The following NLRP13 variants were observed in gnomAD, a reference collection of about 807,000 sequenced individuals.
NLRP13 encodes the protein NACHT, LRR and PYD domains-containing protein 13.
In NLRP13, 82 loss-of-function variants were observed where a neutral mutation model predicts 94.4. The observed-to-expected ratio is 0.87, with a 90% CI of 0.73 to 1.04. The LOEUF (loss-of-function observed/expected upper bound fraction) is 1.04, where lower values mean the gene tolerates loss of function less well. NLRP13 is among the 50% of genes least tolerant of loss of function. The pLI is 0.00. For missense variants in NLRP13, 1,426 were observed against 1,230.8 expected (o/e 1.16, Z -2.37); for synonymous variants, 553 against 464.7 (o/e 1.19, Z -2.45).
intron 1 of NLRP13, among the ~76,000 whole-genome samples, chr19:55,928,916 TACAA>T (rs1266877451): frequency 6.6e-6 from 1 of 151,870 alleles, no homozygotes; most frequent in African/African-American, 2.4e-5. Context: ...ATCCAGAATC[TACAA>T]ACAACTTAAA....
intron 9 of NLRP13, among the ~76,000 whole-genome samples, chr19:55,901,469 A>G (rs1986172192): frequency 6.6e-6 from 1 of 152,198 alleles, no homozygotes; most frequent in Admixed American, 6.5e-5. Flanking sequence ...CTGGAGAGCT[A>G]GTTTTCTTCC....
In NLRP13 at chr19:55,924,629, G is replaced by A. The variant is rs748234269; in HGVS notation, c.418C>T (p.Pro140Ser). ...GNMQTQGCQD[P>S]NQEELDELEE... ...AGCTCGTCTAGTTCTTCTTGGTTTG[G>A]ATCTTGGCATCCCTGGGTCTGCATA... The change falls in exon 3 of 11, where the codon CCA becomes TCA. Residue 140 changes from proline (P) to serine (S), a missense_variant. By Grantham distance (74) the Pro-to-Ser change is moderately conservative. Coordinates refer to ENST00000342929, the MANE Select transcript of NLRP13 (RefSeq NM_176810.2). 9 of 1,613,454 alleles carry A rather than the reference G, an allele frequency of 5.6e-6. No individual in the cohort carries two copies. In the Admixed American group the frequency reaches 1.5e-4, roughly 27 times the overall value.
downstream of NLRP13, among the ~76,000 whole-genome samples, chr19:55,893,693 A>C (rs1276418392): frequency 2.0e-5 from 3 of 152,156 alleles, no homozygotes; most frequent in Non-Finnish European, 2.9e-5. Context: ...GGCCATTTTC[A>C]CTGTGTATGA....
At chr19:55,921,029 C>T (rs193115675) in intron 4 of NLRP13, among the ~76,000 whole-genome samples, 31 of 151,976 alleles carry the variant, frequency 2.0e-4, no homozygotes, top group Non-Finnish European at 1.0e-4. Flanking sequence ...TAACAAATAC[C>T]GCAAGTTCTT....
chr19:55,910,862 A>G lies in NLRP13; in HGVS notation c.2112-129T>C, dbSNP rs1422490580. The G allele has an allele frequency of 1.1e-4, 87 of 813,786 alleles. No homozygotes were observed. The East Asian group carries it at 1.5e-3, about 14-fold the overall frequency. The allele number at this position is 813,786 out of a possible 1,614,324, so 50.4% of individuals were successfully genotyped here. A position where few individuals can be genotyped will look rare whatever the true frequency, so the allele number is the denominator to read the frequency against. On this transcript the variant is annotated intron_variant, in intron 5 of 10. Transcript: ENST00000342929. ...TAATTTTCCTAATGTGGCTGGGTGCAGTGGCTCACGCCTGTAATCCCACCA... is the reference window on the plus strand; with the variant it reads ...TAATTTTCCTAATGTGGCTGGGTGCGGTGGCTCACGCCTGTAATCCCACCA...
At chr19:55,908,944 C>T (rs1021675951) in intron 6 of NLRP13, among the ~76,000 whole-genome samples, 2 of 152,156 alleles carry the variant, frequency 1.3e-5, no homozygotes, top group African/African-American at 4.8e-5. Flanking sequence ...GGCCACAGCC[C>T]CCTCTGCCTG....
chr19:55,910,501 A>C, intron 6 of NLRP13, 62 bp downstream of exon 6: 2 of 1,434,750 alleles, frequency 1.4e-6, no homozygotes, highest in Non-Finnish European at 1.9e-6. Flanking sequence ...CACTCATCAA[A>C]AGAGAGAAGT....
chr19:55,932,265 C>A lies in NLRP13; in HGVS notation c.47G>T (p.Gly16Val). 1 of 1,610,960 alleles carries A rather than the reference C, an allele frequency of 6.2e-7. No homozygotes were observed. Among genetic ancestry groups the A allele is most frequent in the South Asian group, 1.1e-5 (1 of 90,494 alleles). Residue 16 changes from glycine (G) to valine (V), a missense_variant, in exon 1 of 11, where the codon GGG becomes GTG. Gly to Val is a moderately radical substitution (Grantham distance 109, BLOSUM62 -3). Transcript: ENST00000342929. The part of the protein sequence containing the change: ...ITCPNGGTNQ[G>V]LLPYLMALDQ... ...CAGGGCCATCAGGTAAGGCAGAAGC[C>A]CTTGGTTGGTACCACCGTTGGGGCA...
chr19:55,902,153 G>A lies in NLRP13; in HGVS notation c.2671C>T (p.Leu891Phe). ...TGTGTCAGGCTCCTGTTCTGCAGGAGAGCATCTGACAAGTGCTTGCAAGCG... is the reference window on the plus strand; with the variant it reads ...TGTGTCAGGCTCCTGTTCTGCAGGAAAGCATCTGACAAGTGCTTGCAAGCG... ...APACKHLSDALLQNRSLTHLN... is the reference protein window; with the variant it reads ...APACKHLSDAFLQNRSLTHLN... Residue 891 changes from leucine (L) to phenylalanine (F), a missense_variant, in exon 9 of 11, where the codon CTC (leucine) becomes TTC (phenylalanine). Transcript: ENST00000342929. 6.2e-7 allele frequency: 1 copy of A among 1,614,074 alleles called. No homozygotes were observed. The highest frequency in any genetic ancestry group is 8.5e-7 in the Non-Finnish European group (1 of 1,179,970).
At chr19:55,911,663 A>G in intron 5 of NLRP13, 43 bp downstream of exon 5, 2 of 1,519,344 alleles carry the variant, frequency 1.3e-6, no homozygotes, top group Non-Finnish European at 1.8e-6. Context: ...AGAGCCTGAG[A>G]AAACAGGAGA....
intron 4 of NLRP13, 28 bp downstream of exon 4, chr19:55,923,886 C>T: frequency 6.4e-7 from 1 of 1,564,698 alleles, no homozygotes; most frequent in Non-Finnish European, 8.8e-7. Flanking sequence ...GCAACCTGTC[C>T]ATTATCAACA....
At chr19:55,926,290 G>A (rs1197330290) in intron 1 of NLRP13, among the ~76,000 whole-genome samples, 2 of 152,210 alleles carry the variant, frequency 1.3e-5, no homozygotes, top group African/African-American at 4.8e-5. Flanking sequence ...TATTCCAGAT[G>A]AACAGCCTAG....
chr19:55,920,834 G>A (rs1986802709), intron 4 of NLRP13, among the ~76,000 whole-genome samples: 1 of 152,124 alleles, frequency 6.6e-6, no homozygotes, highest in South Asian at 2.1e-4. Flanking sequence ...CAGTAGCAAA[G>A]ATACGCAATC....
At chr19:55,909,058 CT>C (rs1035894070) in intron 6 of NLRP13, among the ~76,000 whole-genome samples, 2 of 152,164 alleles carry the variant, frequency 1.3e-5, no homozygotes, top group Non-Finnish European at 2.9e-5. Context: ...CACATCTAGG[CT>C]TTAGACCTTG....
chr19:55,929,139 G>A (rs150143340), intron 1 of NLRP13, among the ~76,000 whole-genome samples: 1 of 152,188 alleles, frequency 6.6e-6, no homozygotes, highest in African/African-American at 2.4e-5. Flanking sequence ...ATGCTGGAGA[G>A]GATGTGGAGA....
chr19:55,925,123 T>G (rs1986937412), intron 1 of NLRP13, 88 bp from the exon 2 acceptor site: 2 of 1,173,218 alleles, frequency 1.7e-6, no homozygotes. Context: ...AACCAACTCC[T>G]TCTATGACAA....
At chr19:55,931,535 C>G (rs558941358) in intron 1 of NLRP13, among the ~76,000 whole-genome samples, 1 of 150,966 alleles carries the variant, frequency 6.6e-6, no homozygotes, top group African/African-American at 2.4e-5. Context: ...AGTGAAACCC[C>G]GTCTCTACTA....
rs1379004141 is a variant in NLRP13, at chr19:55,902,218, AGCCAC to A, written c.2619-18_2619-14del. 6.2e-7 allele frequency: 1 copy of A among 1,612,146 alleles called. No individual in the cohort carries two copies. The highest frequency in any genetic ancestry group is 8.5e-7 in the Non-Finnish European group (1 of 1,179,428). On this transcript the variant is annotated splice_polypyrimidine_tract_variant and intron_variant, in intron 8 of 10. Coordinates refer to ENST00000342929, the MANE Select transcript of NLRP13 (RefSeq NM_176810.2). ...GCAAAACCAGAGCCTGCAGGGTGAA[AGCCAC>A]AGAGATGGACACTCAGGGAAGCAGC...
chr19:55,892,046 C>G (rs1038049062), downstream of NLRP13: 1 of 1,201,094 alleles, frequency 8.3e-7, no homozygotes. Flanking sequence ...CCCACGCACA[C>G]TTGAGTTTCA....
Sources: gnomAD v4.1 joint callset for allele counts (sites outside exome capture counted in the v4.1 genomes callset) on GRCh38, gnomAD v4.1.1 for gene constraint, MANE v1.5 for transcripts, NCBI Gene and HGNC (gene_info 2026-07-23, HGNC 2026-07-21) for gene names.